The following MRPL45 variants were observed in gnomAD, a reference collection of about 807,000 sequenced individuals.
MRPL45 encodes mitochondrial ribosomal protein L45.
MRPL45 carries 20 observed loss-of-function variants against 38.1 expected under a neutral mutation model. The ratio of observed to expected loss-of-function variants is 0.53; its 90% CI spans 0.37 to 0.76. The LOEUF (loss-of-function observed/expected upper bound fraction) is 0.76. MRPL45 is among the 30% of genes least tolerant of loss of function. The pLI, the probability that MRPL45 is intolerant of heterozygous loss-of-function variation, is 0.00. For missense variants in MRPL45, 337 were observed against 395.6 expected (o/e 0.85, Z 1.26); for synonymous variants, 105 against 128.8 (o/e 0.82, Z 1.25).
rs1377378681 is a variant in MRPL45, at chr17:38,299,482, A to T, written c.362+14A>T. On this transcript the variant is annotated intron_variant, in intron 3 of 7. Transcript: ENST00000613675. ...ATCACAAGTGTCGTAGGTGTCTGAG[A>T]CAATTGGGTATTGGTATTAGAATAA... is the stretch of plus-strand genomic sequence containing the variant. 4 of 1,572,994 alleles carry T rather than the reference A, an allele frequency of 2.5e-6. No homozygotes were observed. Among genetic ancestry groups the T allele is most frequent in the Middle Eastern group, 1.7e-4 (1 of 5,960 alleles).
In MRPL45 at chr17:38,318,770, CTGAG is replaced by C; in HGVS notation, c.510+38_510+41del. 3 of 1,461,448 alleles carry C rather than the reference CTGAG, an allele frequency of 2.1e-6. No homozygotes were observed. The East Asian group carries it at 6.8e-5, about 33-fold the overall frequency. The allele number at this position is 1,461,448 out of a possible 1,614,324, so 90.5% of individuals were successfully genotyped here. On this transcript the variant is annotated intron_variant, in intron 5 of 7. Transcript: ENST00000613675. ...CATCCTCCTTAGAACTGTGGGGTGACTGAGTGGGCAGATTCTAGATGGCGTCTCT... is the reference window on the plus strand; with the variant it reads ...CATCCTCCTTAGAACTGTGGGGTGACTGGGCAGATTCTAGATGGCGTCTCT...
chr17:38,308,271 G>C (rs1449960551), intron 4 of MRPL45, among the ~76,000 whole-genome samples: 1 of 151,698 alleles, frequency 6.6e-6, no homozygotes, highest in Non-Finnish European at 1.5e-5. Flanking sequence ...ACCACACCCA[G>C]CTAATTTTTG....
intron 1 of MRPL45, among the ~76,000 whole-genome samples, chr17:38,297,752 A>T (rs1200105035): frequency 6.6e-6 from 1 of 152,144 alleles, no homozygotes; most frequent in Non-Finnish European, 1.5e-5. Context: ...GCAAAATATC[A>T]CGAGTACATA....
At position 38,322,315 on chromosome 17, in the gene MRPL45, T is replaced by C. The variant is rs757278364; in HGVS notation, c.834+16T>C. On this transcript the variant is annotated intron_variant, in intron 7 of 7. Transcript: ENST00000613675. ...CATCCTTAAGGTAAGGTGGCTTGCA[T>C]GGTTTAAGAGAGCTGAGGCACTACT... The C allele has an allele frequency of 1.2e-6, 2 of 1,612,764 alleles. No individual in the cohort carries two copies. Among genetic ancestry groups the C allele is most frequent in the South Asian group, 2.2e-5 (2 of 91,044 alleles).
intron 3 of MRPL45, among the ~76,000 whole-genome samples, chr17:38,300,612 AG>A (rs2036984378): frequency 1.3e-5 from 2 of 152,192 alleles, no homozygotes; most frequent in African/African-American, 4.8e-5. Flanking sequence ...ATATTGAGTC[AG>A]TATGAATTCT....
At chr17:38,315,243 C>G (rs1005654474) in intron 4 of MRPL45, among the ~76,000 whole-genome samples, 1 of 151,936 alleles carries the variant, frequency 6.6e-6, no homozygotes, top group African/African-American at 2.4e-5. Context: ...TCCCCTTTAG[C>G]CTTTGTTTGT....
chr17:38,319,840 C>T (rs1295814909), intron 5 of MRPL45, among the ~76,000 whole-genome samples: 4 of 152,158 alleles, frequency 2.6e-5, no homozygotes, highest in Non-Finnish European at 5.9e-5. Context: ...CGGTGGCTCA[C>T]GCCTGTAACC....
intron 6 of MRPL45, among the ~76,000 whole-genome samples, chr17:38,321,903 G>A (rs904283828): frequency 6.6e-6 from 1 of 151,328 alleles, no homozygotes; most frequent in African/African-American, 2.4e-5. Flanking sequence ...GTGGTGGCAC[G>A]TGCCTGTAAT....
chr17:38,300,900 C>T (rs1327408718), intron 3 of MRPL45, among the ~76,000 whole-genome samples: 3 of 151,886 alleles, frequency 2.0e-5, no homozygotes, highest in Non-Finnish European at 2.9e-5. Context: ...GAGCCGAGAT[C>T]GTGCCATTGC....
Position 38,320,650 on chromosome 17 carries a change from C to A in MRPL45, c.543C>A (p.Val181=), listed in dbSNP as rs755641739. 2 of 1,614,048 alleles carry A rather than the reference C, an allele frequency of 1.2e-6. No homozygotes were observed. The highest frequency in any genetic ancestry group is 2.7e-5 in the African/African-American group (2 of 74,922). ...CTTGGGACATCAAATATAAGACCGT[C>A]CGCTGGAGCTTTGTGGAATCTTTAG... ...DMTWDIKYKT[V]RWSFVESLEP... The change falls in exon 6 of 8, where the codon GTC becomes GTA. Residue 181 remains valine (V), a synonymous_variant. Coordinates refer to ENST00000613675, the MANE Select transcript of MRPL45 (RefSeq NM_032351.6).
intron 3 of MRPL45, among the ~76,000 whole-genome samples, chr17:38,305,559 C>T (rs955702591): frequency 4.0e-5 from 6 of 150,430 alleles, no homozygotes; most frequent in Admixed American, 6.6e-5. Flanking sequence ...TGCAGTGGCG[C>T]GATCACTACC....
At chr17:38,320,414 G>A (rs1437194753) in intron 5 of MRPL45, among the ~76,000 whole-genome samples, 1 of 152,176 alleles carries the variant, frequency 6.6e-6, no homozygotes, top group Admixed American at 6.6e-5. Context: ...TGATATAGAT[G>A]AAGAGAGAGT....
intron 4 of MRPL45, among the ~76,000 whole-genome samples, chr17:38,318,000 C>T (rs895463777): frequency 3.3e-5 from 5 of 151,348 alleles, no homozygotes; most frequent in African/African-American, 9.7e-5. Flanking sequence ...CAAAGATGAG[C>T]GTGTAAGATA....
chr17:38,306,343 A>G (rs1170501446), intron 3 of MRPL45, among the ~76,000 whole-genome samples, 190 bp from the exon 4 acceptor site: 1 of 151,178 alleles, frequency 6.6e-6, no homozygotes, highest in Non-Finnish European at 1.5e-5. Context: ...TGGGAGGCAG[A>G]GCTTGCAGTG....
chr17:38,318,670 A>G lies in MRPL45; in HGVS notation c.462-17A>G. On this transcript the variant is annotated splice_polypyrimidine_tract_variant and intron_variant, in intron 4 of 7. Coordinates refer to ENST00000613675, the MANE Select transcript of MRPL45 (RefSeq NM_032351.6). ...ATAAGAGCAATAGTCAATGATATTT[A>G]TTGCTTTCTTTTCTAGCTCAGACCA... 1 of 1,586,936 alleles carries G rather than the reference A, an allele frequency of 6.3e-7. No individual in the cohort carries two copies. The highest frequency in any genetic ancestry group is 8.6e-7 in the Non-Finnish European group (1 of 1,156,260).
At chr17:38,314,810 G>C (rs2037158129) in intron 4 of MRPL45, among the ~76,000 whole-genome samples, 1 of 152,212 alleles carries the variant, frequency 6.6e-6, no homozygotes, top group South Asian at 2.1e-4. Context: ...GGGATTACAG[G>C]CATGGGCCAC....
intron 4 of MRPL45, among the ~76,000 whole-genome samples, chr17:38,312,203 C>T (rs575978756): frequency 2.5e-4 from 38 of 152,080 alleles, no homozygotes; most frequent in Non-Finnish European, 3.7e-4. Flanking sequence ...CCTGCCATCA[C>T]ACCTGGCTAA....
chr17:38,300,035 C>T (rs1399678158), intron 3 of MRPL45, among the ~76,000 whole-genome samples: 1 of 151,810 alleles, frequency 6.6e-6, no homozygotes, highest in Non-Finnish European at 1.5e-5. Context: ...CCACCACGCC[C>T]AGCCCTTTAT....
intron 3 of MRPL45, among the ~76,000 whole-genome samples, chr17:38,303,639 T>A (rs2037022333): frequency 6.6e-6 from 1 of 152,036 alleles, no homozygotes; most frequent in Non-Finnish European, 1.5e-5. Flanking sequence ...AAATCCCTCC[T>A]GGAGTCTTCT....
Sources: allele counts gnomAD v4.1 joint callset (sites outside exome capture counted in the v4.1 genomes callset), GRCh38; gene constraint gnomAD v4.1.1; transcripts MANE v1.5; gene names NCBI Gene and HGNC (gene_info 2026-07-23, HGNC 2026-07-21).